CDH12: variants seen among roughly 807,000 people sequenced by gnomAD.
CDH12 encodes the protein cadherin 12, also known as cadherin-12.
In CDH12, 41 loss-of-function variants were observed where a neutral mutation model predicts 74.1. The ratio of observed to expected loss-of-function variants is 0.55; its 90% CI spans 0.43 to 0.72. The LOEUF is 0.72. Among genes scored for constraint, CDH12 ranks in the 30% least tolerant of loss-of-function variants. The pLI, the probability that CDH12 is intolerant of heterozygous loss-of-function variation, is 0.00. For synonymous variants in CDH12, 399 were observed against 355.0 expected, an observed-to-expected ratio of 1.12 and a Z score of -1.39; for missense variants, 945 against 977.2, an observed-to-expected ratio of 0.97 and a Z score of 0.44.
chr5:22,153,642 C>T (rs1457092869), intron 4 of CDH12, among the ~76,000 whole-genome samples: 2 of 150,630 alleles, frequency 1.3e-5, no homozygotes, highest in African/African-American at 4.9e-5. Context: ...TTATCTCTCA[C>T]TGTATTTTTA....
At chr5:21,785,201 T>C (rs1361511725) in intron 10 of CDH12, among the ~76,000 whole-genome samples, 2 of 152,170 alleles carry the variant, frequency 1.3e-5, no homozygotes, top group Admixed American at 6.6e-5. Context: ...CCATATAAAA[T>C]TGTAAACTTA....
chr5:22,153,889 A>ATATGTAT (rs1561168560), intron 4 of CDH12, among the ~76,000 whole-genome samples: 34 of 42,068 alleles, frequency 8.1e-4, no homozygotes, highest in East Asian at 3.1e-3. Context: ...TATATATATA[A>ATATGTAT]ATATATATAT....
Position 21,835,653 on chromosome 5 carries a change from T to G in CDH12, c.814+6508A>C, listed in dbSNP as rs941522822. ...CAAATAGTAAACAAAGAAATACACT[T>G]TGTGGCCACATCAAGATGTAGCTGA... On this transcript the variant is annotated intron_variant, in intron 8 of 14. Transcript: ENST00000382254. Among the ~76,000 whole-genome samples, 8 of 151,802 alleles carry G rather than the reference T, an allele frequency of 5.3e-5. 1 individual carries two copies. Among genetic ancestry groups the G allele is most frequent in the Admixed American group, 2.0e-4 (3 of 15,210 alleles).
chr5:21,946,414 T>C (rs1219212749), intron 6 of CDH12, among the ~76,000 whole-genome samples: 1 of 152,204 alleles, frequency 6.6e-6, no homozygotes, highest in Non-Finnish European at 1.5e-5. Flanking sequence ...CAAAAATTAG[T>C]GACCTACCTG....
At chr5:22,570,147 C>A (rs1371587257) in intron 1 of CDH12, among the ~76,000 whole-genome samples, 1 of 151,900 alleles carries the variant, frequency 6.6e-6, no homozygotes, top group Non-Finnish European at 1.5e-5. Flanking sequence ...CCTTCACCTC[C>A]CAGGTTCAAG....
intron 1 of CDH12, among the ~76,000 whole-genome samples, chr5:22,646,260 A>G (rs1739426632): frequency 2.0e-5 from 3 of 151,864 alleles, no homozygotes; most frequent in African/African-American, 7.2e-5. Context: ...TTTCTTTCAG[A>G]GAAGAGGAAT....
chr5:22,795,531 C>T (rs1748150135), intron 1 of CDH12, among the ~76,000 whole-genome samples: 1 of 151,376 alleles, frequency 6.6e-6, no homozygotes. Flanking sequence ...CATATATATA[C>T]ACACTTATAT....
intron 4 of CDH12, among the ~76,000 whole-genome samples, chr5:22,145,965 C>T (rs1447788449): frequency 6.6e-6 from 1 of 152,006 alleles, no homozygotes; most frequent in Non-Finnish European, 1.5e-5. Context: ...ATCTTTCCAT[C>T]ATACAAAGCA....
At chr5:22,693,623 TCAAA>T (rs1241715216) in intron 1 of CDH12, among the ~76,000 whole-genome samples, 2 of 152,168 alleles carry the variant, frequency 1.3e-5, no homozygotes, top group Non-Finnish European at 2.9e-5. Flanking sequence ...CTTGATTCAT[TCAAA>T]CATTGTTTAC....
intron 1 of CDH12, among the ~76,000 whole-genome samples, chr5:22,741,196 A>G (rs957477338): frequency 5.9e-5 from 9 of 152,178 alleles, no homozygotes; most frequent in African/African-American, 1.4e-4. Flanking sequence ...ATGACTTTCA[A>G]TGAAGAGGAG....
chr5:22,438,393 C>T (rs1380939204), intron 2 of CDH12, among the ~76,000 whole-genome samples: 1 of 151,894 alleles, frequency 6.6e-6, no homozygotes, highest in Non-Finnish European at 1.5e-5. Context: ...AGTGTTATTG[C>T]GTGAATGAAG....
In CDH12 at chr5:22,559,698, C is replaced by T. The variant is rs146677695; in HGVS notation, c.-522-54334G>A. Among the ~76,000 whole-genome samples the T allele has an allele frequency of 2.3e-3, 355 of 152,202 alleles. 5 individuals are homozygous for T. The highest frequency in any genetic ancestry group is 8.0e-3 in the African/African-American group (332 of 41,544). ...AATTTTAACTGTATGAAAGTTAAGA[C>T]AGCTGGGTCTATAATCACACACAAA... On this transcript the variant is annotated intron_variant, in intron 1 of 14. Coordinates refer to ENST00000382254, the MANE Select transcript of CDH12 (RefSeq NM_004061.5).
chr5:22,657,309 C>T (rs772143521), intron 1 of CDH12, among the ~76,000 whole-genome samples: 14 of 152,116 alleles, frequency 9.2e-5, no homozygotes, highest in East Asian at 3.9e-4. Context: ...TAGCTCTTGT[C>T]GCAATCTGGA....
intron 1 of CDH12, among the ~76,000 whole-genome samples, chr5:22,794,484 T>A (rs1407856947): frequency 6.6e-6 from 1 of 152,226 alleles, no homozygotes; most frequent in Non-Finnish European, 1.5e-5. Context: ...CAGTCAAATA[T>A]GTCATCTGTA....
chr5:22,555,819 T>G, intron 1 of CDH12, among the ~76,000 whole-genome samples: 1 of 151,956 alleles, frequency 6.6e-6, no homozygotes. Context: ...TTGAAGCAGT[T>G]TATTAAAAAC....
intron 1 of CDH12, among the ~76,000 whole-genome samples, chr5:22,640,774 A>G (rs1739106099): frequency 6.6e-6 from 1 of 150,534 alleles, no homozygotes; most frequent in South Asian, 2.1e-4. Flanking sequence ...TTTCCAATGT[A>G]TATCATTATC....
intron 6 of CDH12, among the ~76,000 whole-genome samples, chr5:21,941,204 T>G (rs1755315197): frequency 6.6e-6 from 1 of 152,156 alleles, no homozygotes; most frequent in South Asian, 2.1e-4. Flanking sequence ...TGACATTGGC[T>G]GACTCTAACC....
At chr5:22,349,835 G>C (rs890165217) in intron 3 of CDH12, among the ~76,000 whole-genome samples, 3 of 152,042 alleles carry the variant, frequency 2.0e-5, no homozygotes, top group Admixed American at 1.3e-4. Flanking sequence ...CCCGGGTTCA[G>C]GCCATTCTCC....
chr5:22,493,523 A>G (rs1746975312), intron 2 of CDH12, among the ~76,000 whole-genome samples: 2 of 152,140 alleles, frequency 1.3e-5, no homozygotes, highest in African/African-American at 2.4e-5. Context: ...ATAGCTTTAG[A>G]GGACAGGGAG....
Sources: gnomAD v4.1 joint callset for allele counts (sites outside exome capture counted in the v4.1 genomes callset) on GRCh38, gnomAD v4.1.1 for gene constraint, MANE v1.5 for transcripts, NCBI Gene and HGNC (gene_info 2026-07-23, HGNC 2026-07-21) for gene names.